BDH1: variants seen among roughly 807,000 people sequenced by gnomAD.
BDH1 encodes the protein D-beta-hydroxybutyrate dehydrogenase, mitochondrial.
BDH1 carries 30 observed loss-of-function variants against 33.1 expected under a neutral mutation model. That is an observed-to-expected ratio of 0.91 (90% CI 0.68 to 1.23). The LOEUF (loss-of-function observed/expected upper bound fraction) is 1.23, where lower values mean the gene tolerates loss of function less well. Ranked by LOEUF, BDH1 falls within the 50% of genes most tolerant of loss-of-function variation. The pLI is 0.00. For synonymous variants in BDH1, 190 were observed against 183.6 expected, an observed-to-expected ratio of 1.03 and a Z score of -0.28; for missense variants, 443 against 464.4, an observed-to-expected ratio of 0.95 and a Z score of 0.42.
At chr3:197,548,348 A>T (rs552706925) in intron 2 of BDH1, among the ~76,000 whole-genome samples, 151 of 152,270 alleles carry the variant, frequency 9.9e-4, no homozygotes, top group Non-Finnish European at 1.5e-3. Flanking sequence ...TCCCTCCAAG[A>T]CCCAGGACCA....
chr3:197,572,458 T>C (rs768953829), intron 1 of BDH1, among the ~76,000 whole-genome samples: 6 of 152,210 alleles, frequency 3.9e-5, no homozygotes, highest in Non-Finnish European at 8.8e-5. Context: ...TTTGTAATTT[T>C]GAATTGTTCT....
In BDH1 at chr3:197,528,499, C is replaced by T. The variant is rs1714323270; in HGVS notation, c.267+3913G>A. The T allele has an allele frequency of 6.6e-6, 1 of 152,122 alleles. No homozygotes were observed. The highest frequency in any genetic ancestry group is 1.5e-5 in the Non-Finnish European group (1 of 68,034). 9.4% of individuals were successfully genotyped at this position (152,122 alleles called of 1,614,324 possible). On this transcript the variant is annotated intron_variant, in intron 5 of 7. Coordinates refer to ENST00000392379, the MANE Select transcript of BDH1 (RefSeq NM_203314.3). The surrounding 1 kb of genome is among the most constrained non-coding windows in gnomAD (Gnocchi z 5.1). ...AGAGAGTGTTTAGGTACAGATGTAG[C>T]CGGAATCCATCATGGGGCTAACACT... is the stretch of plus-strand genomic sequence containing the variant.
chr3:197,569,009 G>C (rs1580023860), intron 1 of BDH1, among the ~76,000 whole-genome samples: 1 of 152,112 alleles, frequency 6.6e-6, no homozygotes, highest in East Asian at 1.9e-4. Flanking sequence ...ACTTACTTTT[G>C]CAACAATTCT....
intron 6 of BDH1, among the ~76,000 whole-genome samples, chr3:197,518,392 T>C (rs1487401581): frequency 5.5e-5 from 1 of 18,230 alleles, no homozygotes; most frequent in Non-Finnish European, 9.4e-5. Flanking sequence ...CACTTCCTGC[T>C]CTATGGACTC....
chr3:197,543,568 C>T (rs1715838335), intron 3 of BDH1, among the ~76,000 whole-genome samples: 1 of 152,228 alleles, frequency 6.6e-6, no homozygotes, highest in African/African-American at 2.4e-5. Flanking sequence ...GTAAGCACAG[C>T]AGGTTGTCAA....
rs1714007031 is a variant in BDH1 at position 197,525,556 on chromosome 3, C to A, written c.268-2775G>T. Reference sequence around the variant, plus strand: ...GGAAACTAGGGGATTAATCTCACTGCCCACGGCTTCAGGCTCCCGAGGAGA... The same window carrying A: ...GGAAACTAGGGGATTAATCTCACTGACCACGGCTTCAGGCTCCCGAGGAGA... On this transcript the variant is annotated intron_variant, in intron 5 of 7. Coordinates refer to ENST00000392379, the MANE Select transcript of BDH1 (RefSeq NM_203314.3). The surrounding 1 kb of genome is among the most constrained non-coding windows in gnomAD (Gnocchi z 4.9). Among the ~76,000 whole-genome samples, 1 of 152,222 alleles carries A rather than the reference C, an allele frequency of 6.6e-6. No individual in the cohort carries two copies. The highest frequency in any genetic ancestry group is 2.1e-4 in the South Asian group (1 of 4,828).
intron 2 of BDH1, among the ~76,000 whole-genome samples, chr3:197,552,230 T>C (rs983296095): frequency 6.6e-6 from 1 of 152,192 alleles, no homozygotes; most frequent in African/African-American, 2.4e-5. Context: ...CGGCAAGTCC[T>C]ATCAATGCCA....
At chr3:197,562,499 T>C (rs1298957238) in intron 1 of BDH1, among the ~76,000 whole-genome samples, 1 of 152,198 alleles carries the variant, frequency 6.6e-6, no homozygotes, top group East Asian at 1.9e-4. Flanking sequence ...GTTGACCCCC[T>C]GCAACATGCA....
At chr3:197,543,243 T>C (rs536450522) in intron 3 of BDH1, 5 of 942,148 alleles carry the variant, frequency 5.3e-6, no homozygotes, top group Admixed American at 6.2e-5. Flanking sequence ...CACGGCAGCA[T>C]CTGTGAAAAA....
At position 197,525,472 on chromosome 3, in the gene BDH1, G is replaced by A. The variant is rs552132394; in HGVS notation, c.268-2691C>T. ...CCTGCAGTCCTCAGGGGAAACCCCC[G>A]ACTCCAAGTCAGTAAACTCTTAATT... On this transcript the variant is annotated intron_variant, in intron 5 of 7. Transcript: ENST00000392379. The surrounding 1 kb of genome is among the most constrained non-coding windows in gnomAD (Gnocchi z 4.9). Among the ~76,000 whole-genome samples, 15 of 152,294 alleles carry A rather than the reference G, an allele frequency of 9.8e-5. No homozygotes were observed. The highest frequency in any genetic ancestry group is 1.7e-4 in the African/African-American group (7 of 41,568).
rs917878084 is a variant in BDH1 at position 197,511,482 on chromosome 3, C to T, written c.*413G>A. 1.0e-5 allele frequency: 2 copies of T among 191,810 alleles called. No individual in the cohort carries two copies. The highest frequency in any genetic ancestry group is 2.1e-5 in the Non-Finnish European group (2 of 94,992). 11.9% of individuals were successfully genotyped at this position (191,810 alleles called of 1,614,324 possible). ...ACACATAACTGGCACTATTTATAAG[C>T]GATAAAAGGGTTATTTCATGCATCC... On this transcript the variant is annotated 3_prime_UTR_variant, in exon 8 of 8. Coordinates refer to ENST00000392379, the MANE Select transcript of BDH1 (RefSeq NM_203314.3).
intron 3 of BDH1, among the ~76,000 whole-genome samples, chr3:197,542,587 G>A (rs1380413790): frequency 7.2e-6 from 1 of 137,976 alleles, no homozygotes; most frequent in Non-Finnish European, 1.5e-5. Flanking sequence ...GCAATGGCAC[G>A]ATCTCGGCTC....
At chr3:197,572,417 T>C (rs1717638701) in intron 1 of BDH1, among the ~76,000 whole-genome samples, 1 of 152,204 alleles carries the variant, frequency 6.6e-6, no homozygotes, top group Non-Finnish European at 1.5e-5. Context: ...CATAGACATA[T>C]AGCTTAGAAG....
At chr3:197,552,166 T>C (rs1716631548) in intron 2 of BDH1, among the ~76,000 whole-genome samples, 1 of 152,184 alleles carries the variant, frequency 6.6e-6, no homozygotes, top group Admixed American at 6.5e-5. Flanking sequence ...CCTGTTCCTC[T>C]AAATCTTCCT....
rs1488073676 is a variant in BDH1 at position 197,526,709 on chromosome 3, T to C, written c.268-3928A>G. ...CACACAGGGCCAGGCAACTGTTTCC[T>C]GCCCAGGTAGAAGGATAGCCCTCTC... On this transcript the variant is annotated intron_variant, in intron 5 of 7. Coordinates refer to ENST00000392379, the MANE Select transcript of BDH1 (RefSeq NM_203314.3). This position sits in a 1 kb window ranked among gnomAD's most constrained non-coding sequence, Gnocchi z 4.7. Among the ~76,000 whole-genome samples, 1 of 152,220 alleles carries C rather than the reference T, an allele frequency of 6.6e-6. No individual in the cohort carries two copies.
intron 2 of BDH1, among the ~76,000 whole-genome samples, chr3:197,548,968 A>G (rs1467252600): frequency 6.6e-6 from 1 of 152,044 alleles, no homozygotes; most frequent in Admixed American, 6.6e-5. Context: ...AGCTATTTCC[A>G]CTGCAGGGCT....
chr3:197,531,923 C>A (rs1303007022), intron 5 of BDH1, among the ~76,000 whole-genome samples: 1 of 152,178 alleles, frequency 6.6e-6, no homozygotes, highest in East Asian at 1.9e-4. Flanking sequence ...CAGCAGGTAA[C>A]TCCTCCCAGT....
intron 5 of BDH1, among the ~76,000 whole-genome samples, 160 bp downstream of exon 5, chr3:197,532,252 G>A (rs1042042318): frequency 2.0e-5 from 3 of 152,180 alleles, no homozygotes; most frequent in Non-Finnish European, 4.4e-5. Flanking sequence ...GATGATGGAT[G>A]GACAAAGCTA....
chr3:197,559,723 T>A (rs138179557), upstream of BDH1, among the ~76,000 whole-genome samples: 129 of 152,322 alleles, frequency 8.5e-4, no homozygotes, highest in African/African-American at 2.7e-3. Context: ...GCATCACGAG[T>A]GAACTCTGAC....
Sources: allele counts gnomAD v4.1 joint callset (sites outside exome capture counted in the v4.1 genomes callset), GRCh38; gene constraint gnomAD v4.1.1; non-coding constraint Gnocchi (gnomAD v3.1); transcripts MANE v1.5; gene names NCBI Gene and HGNC (gene_info 2026-07-23, HGNC 2026-07-21).